The following MECOM variants were observed in gnomAD, a reference collection of about 807,000 sequenced individuals.
MECOM encodes the protein MDS1 and EVI1 complex locus.
A neutral mutation model predicts 116.3 loss-of-function variants in MECOM; 13 were observed. The ratio of observed to expected loss-of-function variants is 0.11; its 90% CI spans 0.07 to 0.18. The LOEUF is 0.18. MECOM is among the 10% of genes least tolerant of loss of function. The probability of loss-of-function intolerance (pLI) is 1.00; values close to 1 mark genes in which losing one functional copy is unlikely to be tolerated. For synonymous variants in MECOM, 528 were observed against 535.2 expected (o/e 0.99, Z 0.19); for missense variants, 1,299 against 1,509.0 (o/e 0.86, Z 2.31).
chr3:169,163,970 G>A (rs570528394), intron 2 of MECOM, among the ~76,000 whole-genome samples: 32 of 152,252 alleles, frequency 2.1e-4, no homozygotes, highest in Admixed American at 6.5e-4. Flanking sequence ...GGAGGCCAGC[G>A]AAGCAACATG....
chr3:169,531,084 C>A (rs931174216), intron 1 of MECOM, among the ~76,000 whole-genome samples: 6 of 152,126 alleles, frequency 3.9e-5, no homozygotes, highest in Non-Finnish European at 1.5e-5. Flanking sequence ...GATCATTAGC[C>A]TTTGTCTAGA....
At chr3:169,592,388 T>C (rs1766534533) in intron 1 of MECOM, among the ~76,000 whole-genome samples, 1 of 152,118 alleles carries the variant, frequency 6.6e-6, no homozygotes, top group Non-Finnish European at 1.5e-5. Context: ...TTGGCCAACA[T>C]TATTTTCCTC....
chr3:169,265,060 A>T (rs1266359070), intron 2 of MECOM, among the ~76,000 whole-genome samples: 1 of 152,222 alleles, frequency 6.6e-6, no homozygotes, highest in Non-Finnish European at 1.5e-5. Context: ...GATAAAGCTC[A>T]GTTGCCAATA....
At chr3:169,248,066 A>G (rs1268126329) in intron 2 of MECOM, among the ~76,000 whole-genome samples, 3 of 152,248 alleles carry the variant, frequency 2.0e-5, no homozygotes, top group African/African-American at 7.2e-5. Context: ...GTGTTTAAGT[A>G]TTTAGGATAG....
At chr3:169,247,549 C>T (rs1419293355) in intron 2 of MECOM, among the ~76,000 whole-genome samples, 5 of 152,178 alleles carry the variant, frequency 3.3e-5, no homozygotes, top group African/African-American at 1.2e-4. Context: ...GGTGATCTAC[C>T]CGCCTCGGCC....
At chr3:169,140,891 A>G (rs1737898454) in intron 3 of MECOM, among the ~76,000 whole-genome samples, 1 of 152,078 alleles carries the variant, frequency 6.6e-6, no homozygotes, top group South Asian at 2.1e-4. Flanking sequence ...TGTTTCTAGA[A>G]CTTCTTCACC....
At chr3:169,169,467 G>A (rs1744084412) in intron 2 of MECOM, among the ~76,000 whole-genome samples, 1 of 152,072 alleles carries the variant, frequency 6.6e-6, no homozygotes, top group African/African-American at 2.4e-5. Flanking sequence ...TATGTTCTTT[G>A]CAGACATTCC....
At chr3:169,433,941 T>A (rs1376486429) in intron 1 of MECOM, among the ~76,000 whole-genome samples, 1 of 152,178 alleles carries the variant, frequency 6.6e-6, no homozygotes, top group African/African-American at 2.4e-5. Flanking sequence ...AGAGCTGTTA[T>A]CTGAATTCAT....
chr3:169,620,195 CCT>C (rs1183391131), intron 1 of MECOM, among the ~76,000 whole-genome samples: 2 of 152,178 alleles, frequency 1.3e-5, no homozygotes, highest in Non-Finnish European at 2.9e-5. Context: ...TTTGTACTCC[CCT>C]GTGTTCATCT....
At chr3:169,507,106 C>A (rs1229012472) in intron 1 of MECOM, among the ~76,000 whole-genome samples, 3 of 152,204 alleles carry the variant, frequency 2.0e-5, no homozygotes, top group African/African-American at 7.2e-5. Context: ...GTGATATAGA[C>A]TGTTGGTCAA....
At chr3:169,472,533 A>AAAGGAAAGG (rs1749553992) in intron 1 of MECOM, among the ~76,000 whole-genome samples, 8 of 85,144 alleles carry the variant, frequency 9.4e-5, no homozygotes, top group Non-Finnish European at 1.3e-4. Context: ...AAAAGAAAAG[A>AAAGGAAAGG]AAAGGAAAGG....
At chr3:169,632,267 A>C (rs1452139435) in intron 1 of MECOM, among the ~76,000 whole-genome samples, 1 of 152,136 alleles carries the variant, frequency 6.6e-6, no homozygotes, top group African/African-American at 2.4e-5. Context: ...AAAACTCAGA[A>C]ATCTCATATC....
chr3:169,084,458 A>C lies in MECOM; in HGVS notation c.*451T>G. ...AAATTACATAAAACTTTAACGAAGA[A>C]AAAAATTAAATCTGTAATTAAAAGC... is the stretch of plus-strand genomic sequence containing the variant. On this transcript the variant is annotated 3_prime_UTR_variant, in exon 17 of 17. Transcript: ENST00000651503. The C allele has an allele frequency of 8.6e-6, 2 of 233,578 alleles. No individual in the cohort carries two copies. Among genetic ancestry groups the C allele is most frequent in the Non-Finnish European group, 1.7e-5 (2 of 118,438 alleles). 14.5% of individuals were successfully genotyped at this position (233,578 alleles called of 1,614,324 possible). A position where few individuals can be genotyped will look rare whatever the true frequency, so the allele number is the denominator to read the frequency against.
At chr3:169,495,140 C>T (rs180779510) in intron 1 of MECOM, among the ~76,000 whole-genome samples, 10 of 152,254 alleles carry the variant, frequency 6.6e-5, no homozygotes, top group Admixed American at 5.2e-4. Flanking sequence ...TTCATCAGTG[C>T]TATTTTCCAA....
chr3:169,352,205 T>G (rs1726444423), intron 2 of MECOM, among the ~76,000 whole-genome samples: 1 of 151,924 alleles, frequency 6.6e-6, no homozygotes, highest in South Asian at 2.1e-4. Flanking sequence ...AACAAGTAGA[T>G]TTTCCTGTAA....
chr3:169,291,398 T>C lies in MECOM; in HGVS notation c.375+89789A>G, dbSNP rs79080091. On this transcript the variant is annotated intron_variant, in intron 2 of 16. Coordinates refer to ENST00000651503, the MANE Select transcript of MECOM (RefSeq NM_004991.4). ...TATAATAATTATTAATTTTAAACAG[T>C]AAATATAATTGCCCTAAAACTTGGC... Among the ~76,000 whole-genome samples, 493 of 152,294 alleles carry C rather than the reference T, an allele frequency of 3.2e-3. 5 individuals are homozygous for C. The highest frequency in any genetic ancestry group is 0.011 in the African/African-American group (468 of 41,566).
At chr3:169,199,748 A>G (rs1022635368) in intron 2 of MECOM, among the ~76,000 whole-genome samples, 62 of 152,122 alleles carry the variant, frequency 4.1e-4, no homozygotes, top group African/African-American at 1.4e-3. Context: ...TCCCAAGAAG[A>G]TCTTGCCAAA....
At chr3:169,129,893 A>G (rs1467613675) in intron 4 of MECOM, among the ~76,000 whole-genome samples, 1 of 152,222 alleles carries the variant, frequency 6.6e-6, no homozygotes, top group Non-Finnish European at 1.5e-5. Context: ...TCTATGCATA[A>G]AAGAGTAAAT....
At chr3:169,093,417 T>G (rs1720430105) in intron 13 of MECOM, among the ~76,000 whole-genome samples, 1 of 152,142 alleles carries the variant, frequency 6.6e-6, no homozygotes, top group Admixed American at 6.6e-5. Context: ...GAATTTAGAG[T>G]GAGACAAATT....
Sources: gnomAD v4.1 joint callset for allele counts (sites outside exome capture counted in the v4.1 genomes callset) on GRCh38, gnomAD v4.1.1 for gene constraint, MANE v1.5 for transcripts, NCBI Gene and HGNC (gene_info 2026-07-23, HGNC 2026-07-21) for gene names.